SLC7A8: variants seen among roughly 807,000 people sequenced by gnomAD.
SLC7A8 encodes the protein large neutral amino acids transporter small subunit 2.
SLC7A8 carries 30 observed loss-of-function variants against 51.2 expected under a neutral mutation model. The ratio of observed to expected loss-of-function variants is 0.59; its 90% CI spans 0.44 to 0.80. The LOEUF (loss-of-function observed/expected upper bound fraction) is 0.80. Among genes scored for constraint, SLC7A8 ranks in the 30% least tolerant of loss-of-function variants. The probability of loss-of-function intolerance (pLI) is 0.00; values close to 1 mark genes in which losing one functional copy is unlikely to be tolerated. For missense variants in SLC7A8, 612 were observed against 674.4 expected (o/e 0.91, Z 1.03); for synonymous variants, 257 against 275.8 (o/e 0.93, Z 0.67).
intron 7 of SLC7A8, 35 bp from the exon 8 acceptor site, chr14:23,131,592 C>T (rs1172070752): frequency 2.0e-6 from 3 of 1,524,440 alleles, no homozygotes; most frequent in Admixed American, 2.0e-5. Flanking sequence ...CCTGGGATAA[C>T]CCAGGGACCA....
At chr14:23,169,559 A>C (rs974193201) in intron 1 of SLC7A8, among the ~76,000 whole-genome samples, 4 of 151,892 alleles carry the variant, frequency 2.6e-5, no homozygotes, top group Admixed American at 2.0e-4. Context: ...GGTGTATGCC[A>C]CCACACCTGG....
chr14:23,161,190 C>G (rs2048919939), intron 3 of SLC7A8, among the ~76,000 whole-genome samples: 2 of 152,070 alleles, frequency 1.3e-5, no homozygotes, highest in Admixed American at 1.3e-4. Flanking sequence ...TCCACCCCCA[C>G]CACCTGGCTC....
At chr14:23,159,611 G>A (rs1165153561) in intron 3 of SLC7A8, among the ~76,000 whole-genome samples, 1 of 152,232 alleles carries the variant, frequency 6.6e-6, no homozygotes, top group Non-Finnish European at 1.5e-5. Flanking sequence ...CTGAGGTTAA[G>A]GGATTTAGAT....
chr14:23,150,835 A>G (rs2048840189), intron 3 of SLC7A8, among the ~76,000 whole-genome samples: 1 of 151,994 alleles, frequency 6.6e-6, no homozygotes, highest in African/African-American at 2.4e-5. Context: ...GACCCTTCTC[A>G]ATTTCTAATC....
chr14:23,140,089 T>G (rs1319473279), intron 5 of SLC7A8, among the ~76,000 whole-genome samples: 1 of 152,182 alleles, frequency 6.6e-6, no homozygotes, highest in African/African-American at 2.4e-5. Flanking sequence ...GCTCCACACC[T>G]GTTGATCTTG....
chr14:23,147,973 C>T (rs767360346), intron 3 of SLC7A8, among the ~76,000 whole-genome samples: 6 of 152,220 alleles, frequency 3.9e-5, no homozygotes, highest in Admixed American at 6.5e-5. Flanking sequence ...AACTGGCTTG[C>T]TCACTGTGGA....
In SLC7A8 at chr14:23,126,790, G is replaced by A. The variant is rs747240154; in HGVS notation, c.*387C>T. 1.5e-5 allele frequency: 4 copies of A among 258,914 alleles called. No homozygotes were observed. Among genetic ancestry groups the A allele is most frequent in the Middle Eastern group, 1.4e-3 (1 of 738 alleles). 16.0% of individuals were successfully genotyped at this position (258,914 alleles called of 1,614,324 possible). On this transcript the variant is annotated 3_prime_UTR_variant, in exon 11 of 11. Coordinates refer to ENST00000316902, the MANE Select transcript of SLC7A8 (RefSeq NM_012244.4). ...TTGCTTGAGCCTGTCCCCCCACAAT[G>A]CAGCTCCTGTGGCCTCTCCTCTCTG...
intron 3 of SLC7A8, among the ~76,000 whole-genome samples, chr14:23,150,728 A>C (rs532222860): frequency 3.9e-5 from 6 of 152,366 alleles, no homozygotes; most frequent in South Asian, 4.1e-4. Context: ...GATCATGCTG[A>C]CACTCACAGG....
In SLC7A8 at chr14:23,137,267, C is replaced by T. The variant is rs59469520; in HGVS notation, c.1016+654G>A. 3.3e-3 allele frequency among the ~76,000 whole-genome samples: 498 copies of T among 152,278 alleles called. 5 individuals are homozygous for T. The highest frequency in any genetic ancestry group is 0.011 in the African/African-American group (476 of 41,564). Reference sequence around the variant, plus strand: ...TGAGAGTGCTCTGGGGTGGGGGTCACGGATAAAAGGCTCTTTCTTTGGACA... The same window carrying T: ...TGAGAGTGCTCTGGGGTGGGGGTCATGGATAAAAGGCTCTTTCTTTGGACA... On this transcript the variant is annotated intron_variant, in intron 7 of 10. Coordinates refer to ENST00000316902, the MANE Select transcript of SLC7A8 (RefSeq NM_012244.4).
intron 3 of SLC7A8, among the ~76,000 whole-genome samples, chr14:23,160,142 A>AG (rs1476588118): frequency 6.6e-6 from 1 of 152,232 alleles, no homozygotes; most frequent in Non-Finnish European, 1.5e-5. Flanking sequence ...GAAAATGCAG[A>AG]GTTGCACAGA....
intron 6 of SLC7A8, among the ~76,000 whole-genome samples, chr14:23,139,152 A>G (rs994412333): frequency 6.6e-6 from 1 of 152,180 alleles, no homozygotes; most frequent in Non-Finnish European, 1.5e-5. Context: ...AGGGCCAGAT[A>G]GTAAATGTCT....
intron 1 of SLC7A8, among the ~76,000 whole-genome samples, chr14:23,172,583 T>A (rs766567372): frequency 1.3e-5 from 2 of 152,192 alleles, no homozygotes; most frequent in Non-Finnish European, 2.9e-5. Context: ...CCTCCAGCAT[T>A]CCCGGCCCAA....
intron 1 of SLC7A8, among the ~76,000 whole-genome samples, chr14:23,179,980 A>G (rs1272320301): frequency 6.8e-6 from 1 of 147,492 alleles, no homozygotes; most frequent in African/African-American, 2.5e-5. Flanking sequence ...ACCTTGGCTC[A>G]CTGCAACCTC....
intron 3 of SLC7A8, among the ~76,000 whole-genome samples, chr14:23,163,050 G>A (rs112923279): frequency 0.012 from 1,767 of 152,272 alleles, 15 homozygotes; most frequent in Non-Finnish European, 0.019. Flanking sequence ...TCTGATGGCA[G>A]AAACAGCACT....
chr14:23,131,420 G>A (rs1472877862), intron 8 of SLC7A8, 41 bp downstream of exon 8: 1 of 1,486,964 alleles, frequency 6.7e-7, no homozygotes, highest in Non-Finnish European at 9.1e-7. Context: ...GGCACAAAGA[G>A]AGGGAGGTGT....
At chr14:23,137,832 C>T (rs2048704734) in intron 7 of SLC7A8, 89 bp downstream of exon 7, 1 of 1,525,974 alleles carries the variant, frequency 6.6e-7, no homozygotes, top group Non-Finnish European at 8.9e-7. Flanking sequence ...ACACAGACCC[C>T]TGCTGACAGA....
chr14:23,130,681 C>CA (rs1300053208), intron 8 of SLC7A8, among the ~76,000 whole-genome samples: 7 of 152,334 alleles, frequency 4.6e-5, no homozygotes, highest in African/African-American at 1.4e-4. Context: ...AGGTGACCTT[C>CA]ATCCTGCATC....
In SLC7A8 at chr14:23,135,336, G is replaced by A. The variant is rs112352004; in HGVS notation, c.1016+2585C>T. 3.4e-3 allele frequency among the ~76,000 whole-genome samples: 517 copies of A among 151,236 alleles called. 6 individuals carry two copies. The highest frequency in any genetic ancestry group is 0.012 in the African/African-American group (494 of 41,342). On this transcript the variant is annotated intron_variant, in intron 7 of 10. Coordinates refer to ENST00000316902, the MANE Select transcript of SLC7A8 (RefSeq NM_012244.4). ...AAACTCCTGACCTTGTGATCCGCCCGCCTCAGCCTCCCAAAGTGCTGGGGA... is the reference window on the plus strand; with the variant it reads ...AAACTCCTGACCTTGTGATCCGCCCACCTCAGCCTCCCAAAGTGCTGGGGA...
intron 1 of SLC7A8, among the ~76,000 whole-genome samples, chr14:23,181,269 T>A (rs1272517313): frequency 2.0e-5 from 3 of 152,054 alleles, no homozygotes; most frequent in Non-Finnish European, 2.9e-5. Flanking sequence ...TTTGAACAAT[T>A]GAGATAAAGT....
Sources: gnomAD v4.1 joint callset for allele counts (sites outside exome capture counted in the v4.1 genomes callset) on GRCh38, gnomAD v4.1.1 for gene constraint, MANE v1.5 for transcripts, NCBI Gene and HGNC (gene_info 2026-07-23, HGNC 2026-07-21) for gene names.